Variants in TADA2A observed in about 807,000 individuals in gnomAD.
The protein encoded by TADA2A is transcriptional adaptor 2A.
A neutral mutation model predicts 67.4 loss-of-function variants in TADA2A; 38 were observed. The ratio of observed to expected loss-of-function variants is 0.56; its 90% CI spans 0.44 to 0.74. The LOEUF (loss-of-function observed/expected upper bound fraction) is 0.74, where lower values mean the gene tolerates loss of function less well. Ranked by LOEUF, TADA2A falls within the 30% of genes least tolerant of loss-of-function variation. The pLI, the probability that TADA2A is intolerant of heterozygous loss-of-function variation, is 0.00. For missense variants in TADA2A, 454 were observed against 547.0 expected (o/e 0.83, Z 1.70); for synonymous variants, 192 against 181.6 (o/e 1.06, Z -0.46).
chr17:37,414,769 A>T (rs984023917), intron 2 of TADA2A, among the ~76,000 whole-genome samples: 2 of 152,008 alleles, frequency 1.3e-5, no homozygotes, highest in Admixed American at 1.3e-4. Context: ...ATATAATTCC[A>T]CTATCCCCTG....
chr17:37,449,894 A>G (rs999623976), intron 8 of TADA2A, among the ~76,000 whole-genome samples: 11 of 152,260 alleles, frequency 7.2e-5, no homozygotes, highest in Non-Finnish European at 1.0e-4. Flanking sequence ...GTTATCTTCT[A>G]TAGCTTCAAC....
At position 37,458,469 on chromosome 17, in the gene TADA2A, TTATATAA is replaced by T. The variant is rs1052720546; in HGVS notation, c.605-48_605-42del. On this transcript the variant is annotated intron_variant, in intron 8 of 15. Transcript: ENST00000615182. Reference sequence around the variant, plus strand: ...TTATTTTTGTCTTGGTTTTATTTATTTATATAATATATATATGATATGTATATATAGT... The same window carrying T: ...TTATTTTTGTCTTGGTTTTATTTATTTATATATATGATATGTATATATAGT... 5.3e-6 allele frequency: 6 copies of T among 1,130,822 alleles called. No individual in the cohort carries two copies. In the African/African-American group the frequency reaches 8.2e-5, roughly 15 times the overall value. 70.0% of individuals were successfully genotyped at this position (1,130,822 alleles called of 1,614,324 possible). A position where few individuals can be genotyped will look rare whatever the true frequency, so the allele number is the denominator to read the frequency against.
chr17:37,450,913 C>G (rs963749144), intron 8 of TADA2A, among the ~76,000 whole-genome samples: 1 of 152,162 alleles, frequency 6.6e-6, no homozygotes, highest in African/African-American at 2.4e-5. Flanking sequence ...AGTTCTCCTC[C>G]CATTTGCTCC....
At chr17:37,443,302 G>A (rs2052977355) in intron 7 of TADA2A, among the ~76,000 whole-genome samples, 1 of 150,740 alleles carries the variant, frequency 6.6e-6, no homozygotes, top group African/African-American at 2.4e-5. Flanking sequence ...TGCCCAGGCT[G>A]GAGTGCAATG....
Position 37,440,654 on chromosome 17 carries a change from C to T in TADA2A, c.434C>T (p.Pro145Leu), listed in dbSNP as rs2052887987. 2.5e-6 allele frequency: 4 copies of T among 1,614,172 alleles called. No homozygotes were observed. The highest frequency in any genetic ancestry group is 2.7e-5 in the African/African-American group (2 of 75,044). Residue 145 changes from proline (P) to leucine (L), a missense_variant, in exon 6 of 16, where the codon CCA (proline) becomes CTA (leucine). This residue lies in a region of TADA2A where 403 missense variants were observed against 455.5 expected (regional missense o/e 0.88). Coordinates refer to ENST00000615182, the MANE Select transcript of TADA2A (RefSeq NM_001166105.3). ...EEAKTADTAI[P>L]FHSTDDPPRP... Reference sequence around the variant, plus strand: ...GCAAAAACTGCTGACACAGCCATTCCATTTCACTGTAAGTGCCTCCCTATC... The same window carrying T: ...GCAAAAACTGCTGACACAGCCATTCTATTTCACTGTAAGTGCCTCCCTATC...
At chr17:37,421,930 G>A (rs970679997) in intron 2 of TADA2A, among the ~76,000 whole-genome samples, 2 of 146,026 alleles carry the variant, frequency 1.4e-5, no homozygotes, top group Non-Finnish European at 3.1e-5. Flanking sequence ...CCAGACTGGA[G>A]TGCAGTGGCG....
chr17:37,444,132 G>A (rs574645768), intron 7 of TADA2A, among the ~76,000 whole-genome samples: 1 of 152,036 alleles, frequency 6.6e-6, no homozygotes, highest in East Asian at 1.9e-4. Flanking sequence ...GATGGCACAT[G>A]CCTGTAGACC....
chr17:37,425,333 G>T (rs2052372932), intron 3 of TADA2A, among the ~76,000 whole-genome samples: 1 of 152,094 alleles, frequency 6.6e-6, no homozygotes, highest in Admixed American at 6.6e-5. Context: ...GGTGATAATG[G>T]TAATAATAAT....
intron 14 of TADA2A, among the ~76,000 whole-genome samples, chr17:37,471,612 A>C (rs1392016841): frequency 6.6e-6 from 1 of 151,726 alleles, no homozygotes; most frequent in Admixed American, 6.6e-5. Context: ...GGTTCAAGTG[A>C]TTCTTCTGCC....
chr17:37,452,478 G>T (rs549785426), intron 8 of TADA2A, among the ~76,000 whole-genome samples: 2 of 152,188 alleles, frequency 1.3e-5, no homozygotes, highest in South Asian at 4.2e-4. Context: ...TCCCTTTCTG[G>T]CTTTAACTGT....
intron 3 of TADA2A, among the ~76,000 whole-genome samples, chr17:37,425,804 A>G (rs1302375883): frequency 2.1e-5 from 3 of 146,282 alleles, no homozygotes; most frequent in African/African-American, 7.6e-5. Flanking sequence ...TTGTGCCACC[A>G]TGTCCAGCTA....
chr17:37,439,904 A>G (rs1037844402), intron 5 of TADA2A, among the ~76,000 whole-genome samples: 7 of 129,928 alleles, frequency 5.4e-5, no homozygotes, highest in Non-Finnish European at 9.7e-5. Flanking sequence ...TTTTCCAGTC[A>G]TCTTTATTTA....
At position 37,452,755 on chromosome 17, in the gene TADA2A, T is replaced by G. The variant is rs576872843; in HGVS notation, c.605-5769T>G. ...CCCTATAAATCAAGAAATATTTCATTTGTAGAAAGAGTTCTGCTACCTAAA... is the reference window on the plus strand; with the variant it reads ...CCCTATAAATCAAGAAATATTTCATGTGTAGAAAGAGTTCTGCTACCTAAA... On this transcript the variant is annotated intron_variant, in intron 8 of 15. Transcript: ENST00000615182. Among the ~76,000 whole-genome samples, 17 of 152,282 alleles carry G rather than the reference T, an allele frequency of 1.1e-4. No individual in the cohort carries two copies. In the East Asian group the frequency reaches 3.1e-3, roughly 28 times the overall value.
At chr17:37,425,408 A>C (rs1247721606) in intron 3 of TADA2A, among the ~76,000 whole-genome samples, 2 of 152,182 alleles carry the variant, frequency 1.3e-5, no homozygotes, top group Non-Finnish European at 2.9e-5. Flanking sequence ...ATTAACCCTT[A>C]AATCATCACT....
At position 37,436,895 on chromosome 17, in the gene TADA2A, T is replaced by C. The variant is rs1456360638; in HGVS notation, c.193-843T>C. 3.3e-5 allele frequency among the ~76,000 whole-genome samples: 5 copies of C among 151,672 alleles called. No individual in the cohort carries two copies. The East Asian group carries it at 9.6e-4, about 29-fold the overall frequency. On this transcript the variant is annotated intron_variant, in intron 4 of 15. Coordinates refer to ENST00000615182, the MANE Select transcript of TADA2A (RefSeq NM_001166105.3). ...ACTGAAATATTTATCTCTACCTCTGTGTTAAGTTTAAAAATATATGTATAT... is the reference window on the plus strand; with the variant it reads ...ACTGAAATATTTATCTCTACCTCTGCGTTAAGTTTAAAAATATATGTATAT...
chr17:37,439,533 T>C (rs1364853665), intron 5 of TADA2A, among the ~76,000 whole-genome samples: 2 of 152,144 alleles, frequency 1.3e-5, no homozygotes, highest in Non-Finnish European at 2.9e-5. Flanking sequence ...TCCTCCCACC[T>C]TGGCCTCCCA....
intron 2 of TADA2A, among the ~76,000 whole-genome samples, chr17:37,420,326 G>C (rs2052192526): frequency 6.9e-6 from 1 of 145,248 alleles, no homozygotes; most frequent in Non-Finnish European, 1.5e-5. Flanking sequence ...TAGCTGCGCA[G>C]TTTCATATAT....
Position 37,477,300 on chromosome 17 carries a change from T to C in TADA2A, c.*318T>C, listed in dbSNP as rs1464059755. 3.9e-6 allele frequency: 1 copy of C among 256,500 alleles called. No homozygotes were observed. The highest frequency in any genetic ancestry group is 7.4e-6 in the Non-Finnish European group (1 of 135,704). 15.9% of individuals were successfully genotyped at this position (256,500 alleles called of 1,614,324 possible). A position where few individuals can be genotyped will look rare whatever the true frequency, so the allele number is the denominator to read the frequency against. On this transcript the variant is annotated 3_prime_UTR_variant, in exon 16 of 16. Coordinates refer to ENST00000615182, the MANE Select transcript of TADA2A (RefSeq NM_001166105.3). ...ATCACAGTGCTGGTAGAAATGGAAC[T>C]AAACCACAGTCTGTAATCCCAGGAG...
chr17:37,427,098 CT>C, intron 4 of TADA2A, 89 bp downstream of exon 4: 1 of 1,115,824 alleles, frequency 9.0e-7, no homozygotes, highest in Non-Finnish European at 1.3e-6. Context: ...TCTTTAAGCT[CT>C]CTTGGACTTC....
Sources: gnomAD v4.1 joint callset for allele counts (sites outside exome capture counted in the v4.1 genomes callset) on GRCh38, gnomAD v4.1.1 for gene constraint, gnomAD v4.1.1 regional missense constraint, MANE v1.5 for transcripts, NCBI Gene and HGNC (gene_info 2026-07-23, HGNC 2026-07-21) for gene names.